ERC2: variants seen among roughly 807,000 people sequenced by gnomAD.
ERC2 encodes the protein ELKS/RAB6-interacting/CAST family member 2.
In ERC2, 42 loss-of-function variants were observed where a neutral mutation model predicts 114.8. The ratio of observed to expected loss-of-function variants is 0.37; its 90% CI spans 0.29 to 0.47. ERC2 has a LOEUF of 0.47. Ranked by LOEUF, ERC2 falls within the 20% of genes least tolerant of loss-of-function variation. The pLI is 0.99. For synonymous variants in ERC2, 454 were observed against 425.5 expected (o/e 1.07, Z -0.82); for missense variants, 939 against 1,150.7 (o/e 0.82, Z 2.66).
intron 14 of ERC2, among the ~76,000 whole-genome samples, chr3:55,807,206 C>T (rs983380863): frequency 1.3e-5 from 2 of 152,202 alleles, no homozygotes; most frequent in Non-Finnish European, 2.9e-5. Flanking sequence ...GCACCAGGCA[C>T]TAGAGTAAAA....
intron 2 of ERC2, among the ~76,000 whole-genome samples, chr3:56,422,427 C>G (rs935268024): frequency 6.6e-6 from 1 of 152,112 alleles, no homozygotes; most frequent in Non-Finnish European, 1.5e-5. Flanking sequence ...TTCCTCCCAT[C>G]CTTCTGGATG....
chr3:55,976,896 G>A (rs553021417), intron 12 of ERC2, among the ~76,000 whole-genome samples: 17 of 152,316 alleles, frequency 1.1e-4, no homozygotes, highest in Admixed American at 7.8e-4. Flanking sequence ...CAAAGTGATC[G>A]TATGAGGAGG....
chr3:55,985,326 G>T (rs1195649860), intron 12 of ERC2, among the ~76,000 whole-genome samples: 1 of 152,128 alleles, frequency 6.6e-6, no homozygotes, highest in Admixed American at 6.5e-5. Flanking sequence ...CAATGAATCA[G>T]GTCTTACACT....
chr3:56,447,645 TA>T (rs2062640993), intron 1 of ERC2, among the ~76,000 whole-genome samples: 1 of 152,066 alleles, frequency 6.6e-6, no homozygotes, highest in South Asian at 2.1e-4. Flanking sequence ...TATTTACATT[TA>T]ATATTTAATT....
chr3:55,972,884 T>C (rs1331502251), intron 12 of ERC2, among the ~76,000 whole-genome samples: 1 of 152,172 alleles, frequency 6.6e-6, no homozygotes, highest in Non-Finnish European at 1.5e-5. Flanking sequence ...GGGAAACGTA[T>C]GCTCCAATAT....
At chr3:56,406,905 G>C (rs1023753756) in intron 2 of ERC2, among the ~76,000 whole-genome samples, 1 of 152,150 alleles carries the variant, frequency 6.6e-6, no homozygotes, top group Non-Finnish European at 1.5e-5. Flanking sequence ...AATCCAGACA[G>C]ACAATAATTC....
chr3:55,522,174 C>A (rs1445116066), intron 17 of ERC2, among the ~76,000 whole-genome samples: 2 of 152,108 alleles, frequency 1.3e-5, no homozygotes, highest in Non-Finnish European at 2.9e-5. Flanking sequence ...TTCCCCGCAA[C>A]AAAAGGAAAT....
Position 56,199,231 on chromosome 3 carries a change from G to A in ERC2, c.1075-25711C>T, listed in dbSNP as rs183792021. Among the ~76,000 whole-genome samples the A allele has an allele frequency of 1.6e-3, 242 of 152,190 alleles. 1 individual carries two copies. Among genetic ancestry groups the A allele is most frequent in the Non-Finnish European group, 1.1e-3 (74 of 68,012 alleles). ...CTGGGGAAGGGGAAGGATCTACTGA[G>A]AATACAAGATTAGAGAAGCCTTCTC... is the stretch of plus-strand genomic sequence containing the variant. On this transcript the variant is annotated intron_variant, in intron 3 of 17. Transcript: ENST00000288221.
chr3:55,900,739 G>A (rs976378524), intron 13 of ERC2, among the ~76,000 whole-genome samples: 3 of 152,130 alleles, frequency 2.0e-5, no homozygotes, highest in African/African-American at 7.2e-5. Flanking sequence ...CCTCCACCTG[G>A]CACAGCCTCT....
intron 12 of ERC2, among the ~76,000 whole-genome samples, chr3:55,960,730 G>C (rs1261928891): frequency 1.3e-5 from 2 of 152,162 alleles, no homozygotes; most frequent in Admixed American, 6.5e-5. Context: ...GAGGATGCTG[G>C]CTCCAATTGT....
chr3:56,221,388 T>A (rs116039978), intron 3 of ERC2, among the ~76,000 whole-genome samples: 1,481 of 129,462 alleles, frequency 0.011, 27 homozygotes, highest in African/African-American at 0.035. Flanking sequence ...AAAGTTGTCA[T>A]CTCACCAAAA....
At chr3:56,350,180 A>G (rs895667303) in intron 2 of ERC2, among the ~76,000 whole-genome samples, 2 of 152,230 alleles carry the variant, frequency 1.3e-5, no homozygotes, top group Non-Finnish European at 2.9e-5. Flanking sequence ...TCCTTATCCC[A>G]ACATGTCACT....
intron 3 of ERC2, among the ~76,000 whole-genome samples, chr3:56,224,338 C>A (rs1180668843): frequency 1.3e-5 from 2 of 151,768 alleles, no homozygotes; most frequent in Admixed American, 1.3e-4. Flanking sequence ...AGGGCACACA[C>A]AAAAAAACCA....
intron 16 of ERC2, among the ~76,000 whole-genome samples, chr3:55,696,190 G>A (rs940494098): frequency 3.3e-5 from 5 of 152,196 alleles, no homozygotes; most frequent in African/African-American, 1.2e-4. Flanking sequence ...CAATACTCAC[G>A]TAATTGAATT....
chr3:55,644,081 T>A (rs1231370158), intron 17 of ERC2, among the ~76,000 whole-genome samples: 1 of 152,106 alleles, frequency 6.6e-6, no homozygotes, highest in Non-Finnish European at 1.5e-5. Flanking sequence ...CCTGGCTCTA[T>A]CCGCAGGCCC....
chr3:55,692,269 T>C (rs1008928817), intron 16 of ERC2, among the ~76,000 whole-genome samples: 1 of 152,190 alleles, frequency 6.6e-6, no homozygotes, highest in Non-Finnish European at 1.5e-5. Context: ...CTCAAGCTGG[T>C]GCCCCAGGAG....
chr3:55,923,089 T>C (rs924602268), intron 13 of ERC2, among the ~76,000 whole-genome samples: 1 of 152,118 alleles, frequency 6.6e-6, no homozygotes, highest in African/African-American at 2.4e-5. Flanking sequence ...TCACTGTTCA[T>C]AGGAGCATGA....
At chr3:55,733,803 A>G (rs1374604975) in intron 15 of ERC2, among the ~76,000 whole-genome samples, 1 of 152,158 alleles carries the variant, frequency 6.6e-6, no homozygotes, top group Non-Finnish European at 1.5e-5. Context: ...CCAGGGGCTG[A>G]GTCAATATGG....
chr3:55,763,330 A>C (rs548761601), intron 14 of ERC2, among the ~76,000 whole-genome samples: 1 of 152,360 alleles, frequency 6.6e-6, no homozygotes, highest in South Asian at 2.1e-4. Context: ...CTTATGGAAC[A>C]GATGTCTAGT....
Sources: allele counts gnomAD v4.1 joint callset (sites outside exome capture counted in the v4.1 genomes callset), GRCh38; gene constraint gnomAD v4.1.1; transcripts MANE v1.5; gene names NCBI Gene and HGNC (gene_info 2026-07-23, HGNC 2026-07-21).